Variants in PLEKHG3 observed in about 807,000 individuals in gnomAD.
PLEKHG3 encodes the protein pleckstrin homology domain-containing family G member 3.
In PLEKHG3, 62 loss-of-function variants were observed where a neutral mutation model predicts 94.9. That is an observed-to-expected ratio of 0.65 (90% CI 0.53 to 0.81). The LOEUF (loss-of-function observed/expected upper bound fraction) is 0.81. PLEKHG3 is among the 30% of genes least tolerant of loss of function. PLEKHG3 has a pLI of 0.00. For synonymous variants in PLEKHG3, 614 were observed against 654.0 expected, an observed-to-expected ratio of 0.94 and a Z score of 0.93; for missense variants, 1,461 against 1,619.3, an observed-to-expected ratio of 0.90 and a Z score of 1.68.
At chr14:64,729,776 G>A (rs1271323732) in intron 3 of PLEKHG3, among the ~76,000 whole-genome samples, 1 of 152,180 alleles carries the variant, frequency 6.6e-6, no homozygotes, top group African/African-American at 2.4e-5. Context: ...ATGGTGAGGG[G>A]TTGGGAAAAG....
At position 64,749,637 on chromosome 14, in the gene PLEKHG3, A is replaced by C; in HGVS notation, c.*5934A>C. 1 of 1,613,450 alleles carries C rather than the reference A, an allele frequency of 6.2e-7. No individual in the cohort carries two copies. The highest frequency in any genetic ancestry group is 8.5e-7 in the Non-Finnish European group (1 of 1,179,896). ...CCCCCTTCTTAGCCAGGTCTGGGCT[A>C]GGCTGCCCGCGCTTACCTCATCCTT... On this transcript the variant is annotated 3_prime_UTR_variant, in exon 17 of 17. Coordinates refer to ENST00000247226, the MANE Select transcript of PLEKHG3 (RefSeq NM_001308147.2). The surrounding 1 kb of genome is among the most constrained non-coding windows in gnomAD (Gnocchi z 4.7).
rs2081360287 is a variant in PLEKHG3 at position 64,726,720 on chromosome 14, C to T, written c.-39-873C>T. Among the ~76,000 whole-genome samples, 1 of 152,180 alleles carries T rather than the reference C, an allele frequency of 6.6e-6. No homozygotes were observed. Among genetic ancestry groups the T allele is most frequent in the East Asian group, 1.9e-4 (1 of 5,190 alleles). ...TTACAGAGACTCACTGATGGCTTAG[C>T]CCTGGGGAATTTCCTGGGGCCTGGG... On this transcript the variant is annotated intron_variant, in intron 1 of 16. Transcript: ENST00000247226. The surrounding 1 kb of genome is among the most constrained non-coding windows in gnomAD (Gnocchi z 5.1).
chr14:64,746,953 A>G lies in PLEKHG3; in HGVS notation c.*3250A>G, dbSNP rs1347767067. 6.6e-6 allele frequency: 1 copy of G among 151,832 alleles called. No individual in the cohort carries two copies. The highest frequency in any genetic ancestry group is 1.5e-5 in the Non-Finnish European group (1 of 67,970). 9.4% of individuals were successfully genotyped at this position (151,832 alleles called of 1,614,324 possible). On this transcript the variant is annotated 3_prime_UTR_variant, in exon 17 of 17. Transcript: ENST00000247226. The surrounding 1 kb of genome is among the most constrained non-coding windows in gnomAD (Gnocchi z 4.9). ...AGCTTAGCCCTGGTGTGGCACACAC[A>G]GGGTCTCCCAAAGCTGGATGCCTGC...
chr14:64,707,564 TG>T (rs1356156989), intron 1 of PLEKHG3, among the ~76,000 whole-genome samples: 3 of 152,184 alleles, frequency 2.0e-5, no homozygotes, highest in Admixed American at 2.0e-4. Context: ...AGTGTGTTAG[TG>T]ATAAACAGAA....
Position 64,727,728 on chromosome 14 carries a change from C to A in PLEKHG3, c.97C>A (p.Arg33Ser). The A allele has an allele frequency of 6.2e-7, 1 of 1,612,044 alleles. No homozygotes were observed. Among genetic ancestry groups the A allele is most frequent in the East Asian group, 2.2e-5 (1 of 44,816 alleles). ...TSSSGSSCDSRSAMEEPSSSE... is the reference protein window; with the variant it reads ...TSSSGSSCDSSSAMEEPSSSE... Reference sequence around the variant, plus strand: ...CTCGTCGGGCTCCTCCTGTGACAGTCGCAGTGCCATGGAGGAGCCCAGCAG... The same window carrying A: ...CTCGTCGGGCTCCTCCTGTGACAGTAGCAGTGCCATGGAGGAGCCCAGCAG... The change falls in exon 2 of 17, where the codon CGC becomes AGC. Residue 33 changes from arginine (R) to serine (S), a missense_variant. Physicochemically the swap from Arg to Ser is moderately radical, Grantham distance 110. This residue lies in a region of PLEKHG3 where 253 missense variants were observed against 297.8 expected (regional missense o/e 0.85). Coordinates refer to ENST00000247226, the MANE Select transcript of PLEKHG3 (RefSeq NM_001308147.2). The surrounding 1 kb of genome is among the most constrained non-coding windows in gnomAD (Gnocchi z 6.0).
At position 64,742,254 on chromosome 14, in the gene PLEKHG3, G is replaced by T. The variant is rs535162693; in HGVS notation, c.2737G>T (p.Val913Leu). The change falls in exon 16 of 17, where the codon GTA becomes TTA. Residue 913 changes from valine to leucine, a missense_variant. Val to Leu is a conservative substitution (Grantham distance 32, BLOSUM62 1). Transcript: ENST00000247226. ...CCCCCGCATCGTGCAGCTCTCCCACGTAATGGACAGCCACGTGAGCGAGCG... is the reference window on the plus strand; with the variant it reads ...CCCCCGCATCGTGCAGCTCTCCCACTTAATGGACAGCCACGTGAGCGAGCG... ...LHPRIVQLSH[V>L]MDSHVSERVK... 2 of 1,612,948 alleles carry T rather than the reference G, an allele frequency of 1.2e-6. No individual in the cohort carries two copies. The highest frequency in any genetic ancestry group is 1.7e-5 in the Admixed American group (1 of 60,012).
chr14:64,720,483 A>C lies in PLEKHG3; in HGVS notation c.-39-7110A>C, dbSNP rs949210861. Reference sequence around the variant, plus strand: ...TGAGCTCATCCCGGCGCCATCTCAGAGTCCTTCCAGCAGGCATTTATTGAA... The same window carrying C: ...TGAGCTCATCCCGGCGCCATCTCAGCGTCCTTCCAGCAGGCATTTATTGAA... On this transcript the variant is annotated intron_variant, in intron 1 of 16. Transcript: ENST00000247226. The surrounding 1 kb of genome is among the most constrained non-coding windows in gnomAD (Gnocchi z 4.1). Among the ~76,000 whole-genome samples the C allele has an allele frequency of 6.6e-6, 1 of 152,186 alleles. No individual in the cohort carries two copies. The highest frequency in any genetic ancestry group is 1.5e-5 in the Non-Finnish European group (1 of 68,028).
At position 64,742,395 on chromosome 14, in the gene PLEKHG3, G is replaced by A; in HGVS notation, c.2878G>A (p.Gly960Arg). 2 of 1,612,770 alleles carry A rather than the reference G, an allele frequency of 1.2e-6. No individual in the cohort carries two copies. The highest frequency in any genetic ancestry group is 2.7e-5 in the African/African-American group (2 of 75,070). Residue 960 changes from glycine (G) to arginine (R), a missense_variant, in exon 16 of 17, where the codon GGG becomes AGG. Gly to Arg is a moderately radical substitution (Grantham distance 125, BLOSUM62 -2). Coordinates refer to ENST00000247226, the MANE Select transcript of PLEKHG3 (RefSeq NM_001308147.2). ...QWEKVAPERD[G>R]KSPTVPCLQE... ...GGAAAAGGTGGCCCCTGAGAGGGAT[G>A]GGAAGAGCCCCACTGTGCCCTGTCT... is the stretch of plus-strand genomic sequence containing the variant.
In PLEKHG3 at chr14:64,722,445, C is replaced by T. The variant is rs1348889171; in HGVS notation, c.-39-5148C>T. Among the ~76,000 whole-genome samples the T allele has an allele frequency of 6.6e-6, 1 of 152,252 alleles. No individual in the cohort carries two copies. Among genetic ancestry groups the T allele is most frequent in the African/African-American group, 2.4e-5 (1 of 41,548 alleles). ...GCTGGTCTCAAACTCCTCTCAAACT[C>T]CTGACCAAAGGTGATCCGCCCACCT... On this transcript the variant is annotated intron_variant, in intron 1 of 16. Coordinates refer to ENST00000247226, the MANE Select transcript of PLEKHG3 (RefSeq NM_001308147.2). This position sits in a 1 kb window ranked among gnomAD's most constrained non-coding sequence, Gnocchi z 4.3.
chr14:64,744,932 A>C lies in PLEKHG3; in HGVS notation c.*1229A>C, dbSNP rs1208988994. 6.6e-6 allele frequency: 1 copy of C among 151,520 alleles called. No homozygotes were observed. The highest frequency in any genetic ancestry group is 2.4e-5 in the African/African-American group (1 of 41,112). 9.4% of individuals were successfully genotyped at this position (151,520 alleles called of 1,614,324 possible). ...TGGGACTACAGGCATGAGCCACCAC[A>C]CCCAGCTAATTTTTTGTATTTTTAG... is the stretch of plus-strand genomic sequence containing the variant. On this transcript the variant is annotated 3_prime_UTR_variant, in exon 17 of 17. Transcript: ENST00000247226.
chr14:64,727,476 T>C lies in PLEKHG3; in HGVS notation c.-39-117T>C. On this transcript the variant is annotated intron_variant, in intron 1 of 16. Transcript: ENST00000247226. The surrounding 1 kb of genome is among the most constrained non-coding windows in gnomAD (Gnocchi z 6.0). Reference sequence around the variant, plus strand: ...CTTTTCATCTTCTAAAACTGAACTCTGGATGCACTAAATAATACCTTCCCA... The same window carrying C: ...CTTTTCATCTTCTAAAACTGAACTCCGGATGCACTAAATAATACCTTCCCA... 1.7e-6 allele frequency: 1 copy of C among 590,520 alleles called. No homozygotes were observed. 36.6% of individuals were successfully genotyped at this position (590,520 alleles called of 1,614,324 possible).
intron 1 of PLEKHG3, among the ~76,000 whole-genome samples, chr14:64,719,074 G>A (rs371266693): frequency 2.0e-5 from 3 of 152,088 alleles, no homozygotes; most frequent in African/African-American, 7.2e-5. Context: ...CCTCCTGTTG[G>A]GTATGGGTGT....
Position 64,749,803 on chromosome 14 carries a change from C to T in PLEKHG3, c.*6100C>T. On this transcript the variant is annotated 3_prime_UTR_variant, in exon 17 of 17. Coordinates refer to ENST00000247226, the MANE Select transcript of PLEKHG3 (RefSeq NM_001308147.2). This position sits in a 1 kb window ranked among gnomAD's most constrained non-coding sequence, Gnocchi z 4.7. ...CCCTGAGCCGAACATCCAGACCCCTCTCAGGCAGCCCAGCACTTTCTGAGA... is the reference window on the plus strand; with the variant it reads ...CCCTGAGCCGAACATCCAGACCCCTTTCAGGCAGCCCAGCACTTTCTGAGA... 6.6e-7 allele frequency: 1 copy of T among 1,514,096 alleles called. No individual in the cohort carries two copies. The highest frequency in any genetic ancestry group is 1.9e-5 in the Admixed American group (1 of 53,240). The allele number at this position is 1,514,096 out of a possible 1,614,324, so 93.8% of individuals were successfully genotyped here.
In PLEKHG3 at chr14:64,732,581, T is replaced by G; in HGVS notation, c.1246+121T>G. On this transcript the variant is annotated intron_variant, in intron 11 of 16. Coordinates refer to ENST00000247226, the MANE Select transcript of PLEKHG3 (RefSeq NM_001308147.2). The surrounding 1 kb of genome is among the most constrained non-coding windows in gnomAD (Gnocchi z 4.9). Reference sequence around the variant, plus strand: ...AGGAGCAGGGAGGGCGGGGGTCTCCTGTTAAGGGCTGGGGGGTGAACTACA... The same window carrying G: ...AGGAGCAGGGAGGGCGGGGGTCTCCGGTTAAGGGCTGGGGGGTGAACTACA... 1.1e-6 allele frequency: 1 copy of G among 896,250 alleles called. No homozygotes were observed. The highest frequency in any genetic ancestry group is 1.8e-5 in the Admixed American group (1 of 56,852). The allele number at this position is 896,250 out of a possible 1,614,324, so 55.5% of individuals were successfully genotyped here. A position where few individuals can be genotyped will look rare whatever the true frequency, so the allele number is the denominator to read the frequency against.
In PLEKHG3 at chr14:64,730,247, C is replaced by T. The variant is rs963814490; in HGVS notation, c.454C>T (p.Leu152Phe). The T allele has an allele frequency of 6.5e-7, 1 of 1,530,008 alleles. No individual in the cohort carries two copies. The highest frequency in any genetic ancestry group is 1.4e-5 in the African/African-American group (1 of 72,926). 94.8% of individuals were successfully genotyped at this position (1,530,008 alleles called of 1,614,324 possible). A position where few individuals can be genotyped will look rare whatever the true frequency, so the allele number is the denominator to read the frequency against. ...IENIYALNSQ[L>F]LRDLDSCNSD... is the part of the protein sequence containing the mutation. The stretch of plus-strand genomic sequence containing the variant: ...GGCTGCTCTCCCCTCACCCAGCCAG[C>T]TCCTCAGAGACCTGGACAGCTGCAA... Residue 152 changes from leucine to phenylalanine, a missense_variant, in exon 4 of 17, where the codon CTC (leucine) becomes TTC (phenylalanine). Leu to Phe is a conservative substitution (Grantham distance 22, BLOSUM62 0). Transcript: ENST00000247226. The surrounding 1 kb of genome is among the most constrained non-coding windows in gnomAD (Gnocchi z 5.4).
rs199933578 is a variant in PLEKHG3 at position 64,727,799 on chromosome 14, G to T, written c.168G>T (p.Arg56=). 5.0e-6 allele frequency: 8 copies of T among 1,610,490 alleles called. No homozygotes were observed. In the East Asian group the frequency reaches 6.7e-5, roughly 13 times the overall value. ...AKNGAGSLRS[R]HLPNSNNNSS... is the part of the protein sequence containing the mutation. The stretch of plus-strand genomic sequence containing the variant: ...ATGGGGCAGGCTCCCTGAGAAGCCG[G>T]CATCTGCCCAACAGCAACAACAACT... The change falls in exon 2 of 17, where the codon CGG becomes CGT. Residue 56 remains arginine, a synonymous_variant. Coordinates refer to ENST00000247226, the MANE Select transcript of PLEKHG3 (RefSeq NM_001308147.2). This position sits in a 1 kb window ranked among gnomAD's most constrained non-coding sequence, Gnocchi z 6.0.
In PLEKHG3 at chr14:64,731,489, A is replaced by G; in HGVS notation, c.978A>G (p.Thr326=). ...NERTFFLFDK[T]LLITKKRGDH... ...GGACCTTTTTCCTCTTTGACAAAAC[A>G]CTGCTTATCACCAAGAAGCGGGGCG... is the stretch of plus-strand genomic sequence containing the variant. Residue 326 remains threonine, a synonymous_variant, in exon 8 of 17, where the codon ACA becomes ACG. Transcript: ENST00000247226. The surrounding 1 kb of genome is among the most constrained non-coding windows in gnomAD (Gnocchi z 6.1). The G allele has an allele frequency of 6.2e-7, 1 of 1,614,086 alleles. No homozygotes were observed. The highest frequency in any genetic ancestry group is 2.2e-5 in the East Asian group (1 of 44,856).
Position 64,731,276 on chromosome 14 carries a change from T to C in PLEKHG3, c.850-85T>C, listed in dbSNP as rs911204750. The C allele has an allele frequency of 7.5e-6, 11 of 1,465,250 alleles. No individual in the cohort carries two copies. The highest frequency in any genetic ancestry group is 2.3e-5 in the East Asian group (1 of 44,002). The allele number at this position is 1,465,250 out of a possible 1,614,324, so 90.8% of individuals were successfully genotyped here. Reference sequence around the variant, plus strand: ...TGCTGGGATGAGCTGGGCAGTGGCATTGGGGGAGCCTTTGTGGCAGGGTTT... The same window carrying C: ...TGCTGGGATGAGCTGGGCAGTGGCACTGGGGGAGCCTTTGTGGCAGGGTTT... On this transcript the variant is annotated intron_variant, in intron 7 of 16. Coordinates refer to ENST00000247226, the MANE Select transcript of PLEKHG3 (RefSeq NM_001308147.2). The surrounding 1 kb of genome is among the most constrained non-coding windows in gnomAD (Gnocchi z 6.1).
In PLEKHG3 at chr14:64,731,655, C is replaced by A; in HGVS notation, c.1033-59C>A. 1 of 1,513,242 alleles carries A rather than the reference C, an allele frequency of 6.6e-7. No individual in the cohort carries two copies. The highest frequency in any genetic ancestry group is 9.2e-7 in the Non-Finnish European group (1 of 1,088,394). 93.7% of individuals were successfully genotyped at this position (1,513,242 alleles called of 1,614,324 possible). A position where few individuals can be genotyped will look rare whatever the true frequency, so the allele number is the denominator to read the frequency against. ...CCAGCACCACCCTTCTGAGATCACCCTCCCTGCTTCCCCAGGCTGTCAACC... is the reference window on the plus strand; with the variant it reads ...CCAGCACCACCCTTCTGAGATCACCATCCCTGCTTCCCCAGGCTGTCAACC... On this transcript the variant is annotated intron_variant, in intron 8 of 16. Coordinates refer to ENST00000247226, the MANE Select transcript of PLEKHG3 (RefSeq NM_001308147.2). This position sits in a 1 kb window ranked among gnomAD's most constrained non-coding sequence, Gnocchi z 6.1.
Sources: gnomAD v4.1 joint callset for allele counts (sites outside exome capture counted in the v4.1 genomes callset) on GRCh38, gnomAD v4.1.1 for gene constraint, gnomAD v4.1.1 regional missense constraint, Gnocchi (gnomAD v3.1) non-coding constraint, MANE v1.5 for transcripts, NCBI Gene and HGNC (gene_info 2026-07-23, HGNC 2026-07-21) for gene names.